The following IQGAP1 variants were observed in gnomAD, a reference collection of about 807,000 sequenced individuals.
IQGAP1 encodes ras GTPase-activating-like protein IQGAP1.
In IQGAP1, 66 loss-of-function variants were observed where a neutral mutation model predicts 215.6. The ratio of observed to expected loss-of-function variants is 0.31; its 90% CI spans 0.25 to 0.38. The LOEUF (loss-of-function observed/expected upper bound fraction) is 0.38. IQGAP1 is among the 10% of genes least tolerant of loss of function. IQGAP1 has a pLI of 1.00. For synonymous variants in IQGAP1, 772 were observed against 728.7 expected (o/e 1.06, Z -0.96); for missense variants, 1,712 against 1,997.1 (o/e 0.86, Z 2.72).
chr15:90,416,049 C>T (rs1965042462), intron 2 of IQGAP1, among the ~76,000 whole-genome samples: 1 of 151,824 alleles, frequency 6.6e-6, no homozygotes, highest in Non-Finnish European at 1.5e-5. Context: ...CTTTAAGTTC[C>T]AGGGTACATG....
intron 6 of IQGAP1, 35 bp downstream of exon 6, chr15:90,439,434 A>G (rs144581384): frequency 6.4e-7 from 1 of 1,559,432 alleles, no homozygotes; most frequent in African/African-American, 1.4e-5. Flanking sequence ...AAATGCTTGA[A>G]TTATGTGGAA....
intron 2 of IQGAP1, among the ~76,000 whole-genome samples, chr15:90,422,624 ATG>A (rs1404947100): frequency 0.24 from 19,888 of 83,948 alleles, 2,760 homozygotes; most frequent in East Asian, 0.61. Flanking sequence ...ATATATATAT[ATG>A]TATATATATA....
Position 90,443,374 on chromosome 15 carries a change from C to T in IQGAP1, c.829-20C>T, listed in dbSNP as rs773626701. On this transcript the variant is annotated intron_variant, in intron 8 of 37. Transcript: ENST00000268182. ...TAGACACCTTAAGCTAACTTAATTA[C>T]GCTTTTTACTCATCCTCAGACAGAA... 67 of 1,548,484 alleles carry T rather than the reference C, an allele frequency of 4.3e-5. No individual in the cohort carries two copies. The highest frequency in any genetic ancestry group is 9.0e-5 in the East Asian group (4 of 44,542).
At chr15:90,483,680 A>G (rs898087214) in intron 29 of IQGAP1, 87 bp downstream of exon 29, 103 of 931,434 alleles carry the variant, frequency 1.1e-4, no homozygotes, top group Middle Eastern at 2.7e-4. Context: ...ACCACCTCTC[A>G]CTTTCCCCGG....
At chr15:90,450,815 GT>G (rs74753086) in intron 11 of IQGAP1, among the ~76,000 whole-genome samples, 1,894 of 127,030 alleles carry the variant, frequency 0.015, 28 homozygotes, top group African/African-American at 0.048. Context: ...GTTTTTTTTT[GT>G]TTTTTTTTTT....
chr15:90,453,211 CAGG>C lies in IQGAP1; in HGVS notation c.1409_1411del (p.Gly470del), dbSNP rs759173657. 7.4e-6 allele frequency: 12 copies of C among 1,613,950 alleles called. No individual in the cohort carries two copies. In the South Asian group the frequency reaches 1.3e-4, roughly 18 times the overall value. On this transcript the variant is annotated inframe_deletion, in exon 13 of 38. Coordinates refer to ENST00000268182, the MANE Select transcript of IQGAP1 (RefSeq NM_003870.4). ...GCCCTGATCAACAGGGCATTGGAAT[CAGG>C]AGATGTGAATACAGTGTGGAAGCAA...
At position 90,452,701 on chromosome 15, in the gene IQGAP1, C is replaced by T. The variant is rs78764010; in HGVS notation, c.1163-74C>T. The T allele has an allele frequency of 3.1e-4, 460 of 1,481,200 alleles. 4 individuals are homozygous for T. The African/African-American group carries it at 6.0e-3, about 19-fold the overall frequency. The allele number at this position is 1,481,200 out of a possible 1,614,324, so 91.8% of individuals were successfully genotyped here. ...TAGCCACAGAATGTGATATTTTTCC[C>T]ATGAAGATTGGCACCTTCTTCCCCT... is the stretch of plus-strand genomic sequence containing the variant. On this transcript the variant is annotated intron_variant, in intron 11 of 37. Coordinates refer to ENST00000268182, the MANE Select transcript of IQGAP1 (RefSeq NM_003870.4).
chr15:90,421,728 C>T (rs151083368), intron 2 of IQGAP1, among the ~76,000 whole-genome samples: 1 of 152,270 alleles, frequency 6.6e-6, no homozygotes, highest in Non-Finnish European at 1.5e-5. Flanking sequence ...ACTTGCTCTG[C>T]TGTTGCCCAG....
In IQGAP1 at chr15:90,476,689, T is replaced by TA; in HGVS notation, c.2812dup (p.Thr938AsnfsTer5). On this transcript the variant is annotated frameshift_variant, in exon 24 of 38. Transcript: ENST00000268182. LOFTEE classifies it high-confidence loss of function. ...ATGTGGTTTCCCACAGTAAAAAACT[T>TA]ACCAAAAAAAATAAGGAACAGTTGT... The TA allele has an allele frequency of 6.3e-7, 1 of 1,588,556 alleles. No homozygotes were observed. The highest frequency in any genetic ancestry group is 1.7e-4 in the Middle Eastern group (1 of 5,954).
chr15:90,418,159 C>G (rs7173095), intron 2 of IQGAP1, among the ~76,000 whole-genome samples: 2,271 of 151,932 alleles, frequency 0.015, 45 homozygotes, highest in African/African-American at 0.052. Flanking sequence ...GTGTTCCACA[C>G]AGTAGTCAGT....
intron 2 of IQGAP1, among the ~76,000 whole-genome samples, chr15:90,406,401 G>A (rs1194450073): frequency 6.6e-6 from 1 of 152,204 alleles, no homozygotes; most frequent in African/African-American, 2.4e-5. Flanking sequence ...TCCTGACCTG[G>A]TGATCCACCC....
chr15:90,420,879 A>C (rs746179037), intron 2 of IQGAP1, among the ~76,000 whole-genome samples: 4 of 152,216 alleles, frequency 2.6e-5, no homozygotes, highest in Non-Finnish European at 5.9e-5. Context: ...TAGGCCGGGC[A>C]CAGTGGCTCA....
At chr15:90,433,057 C>T (rs1965324271) in intron 4 of IQGAP1, among the ~76,000 whole-genome samples, 1 of 152,154 alleles carries the variant, frequency 6.6e-6, no homozygotes, top group African/African-American at 2.4e-5. Context: ...CTTCGTGTGG[C>T]TTATAGTCTG....
At chr15:90,467,412 C>A in intron 17 of IQGAP1, 38 bp from the exon 18 acceptor site, 1 of 1,590,342 alleles carries the variant, frequency 6.3e-7, no homozygotes, top group South Asian at 1.1e-5. Flanking sequence ...GGGAGTGTGG[C>A]TCTGGATGTC....
intron 3 of IQGAP1, 141 bp downstream of exon 3, chr15:90,426,407 A>G: frequency 2.3e-6 from 2 of 872,152 alleles, no homozygotes; most frequent in Non-Finnish European, 3.4e-6. Flanking sequence ...GCCTGGCAGA[A>G]TGGAGAAATT....
chr15:90,426,001 T>C, intron 2 of IQGAP1, 109 bp from the exon 3 acceptor site: 1 of 1,006,254 alleles, frequency 9.9e-7, no homozygotes, highest in Non-Finnish European at 1.4e-6. Context: ...AGAGTGCTAT[T>C]ATGTTCAGTT....
intron 33 of IQGAP1, among the ~76,000 whole-genome samples, chr15:90,490,563 G>A (rs1966189287): frequency 6.6e-6 from 1 of 152,228 alleles, no homozygotes; most frequent in Non-Finnish European, 1.5e-5. Context: ...GCTCGAGCAT[G>A]ATTCCACCTT....
In IQGAP1 at chr15:90,477,553, G is replaced by C. The variant is rs557031887; in HGVS notation, c.3105-112G>C. On this transcript the variant is annotated intron_variant, in intron 25 of 37. Coordinates refer to ENST00000268182, the MANE Select transcript of IQGAP1 (RefSeq NM_003870.4). ...GCTGCAGGAACATTCTGTGAGTGCT[G>C]GGGAATGTTTCGAGAGAAACTGTTT... 139 of 798,992 alleles carry C rather than the reference G, an allele frequency of 1.7e-4. 1 individual carries two copies. In the South Asian group the frequency reaches 2.1e-3, roughly 12 times the overall value. 49.5% of individuals were successfully genotyped at this position (798,992 alleles called of 1,614,324 possible). A position where few individuals can be genotyped will look rare whatever the true frequency, so the allele number is the denominator to read the frequency against.
intron 12 of IQGAP1, 44 bp downstream of exon 12, chr15:90,452,982 G>A (rs372197745): frequency 2.6e-5 from 42 of 1,606,576 alleles, no homozygotes; most frequent in East Asian, 1.8e-4. Flanking sequence ...AAGTTGGGTG[G>A]ACGTGAGTGT....
Sources: allele counts gnomAD v4.1 joint callset (sites outside exome capture counted in the v4.1 genomes callset), GRCh38; gene constraint gnomAD v4.1.1; transcripts MANE v1.5; gene names NCBI Gene and HGNC (gene_info 2026-07-23, HGNC 2026-07-21).